The following ZNF185 variants were observed in gnomAD, a reference collection of about 807,000 sequenced individuals.
The protein encoded by ZNF185 is zinc finger protein 185 with LIM domain, also known as zinc finger protein 185.
In ZNF185, 56 loss-of-function variants were observed where a neutral mutation model predicts 58.6. That is an observed-to-expected ratio of 0.95 (90% confidence interval 0.77 to 1.19). ZNF185 has a LOEUF of 1.19. ZNF185 is among the 50% of genes most tolerant of loss of function. The probability of loss-of-function intolerance (pLI) is 0.00; values close to 1 mark genes in which losing one functional copy is unlikely to be tolerated. For synonymous variants in ZNF185, 230 were observed against 215.9 expected (o/e 1.07, Z -0.57); for missense variants, 627 against 573.5 (o/e 1.09, Z -0.95).
At chrX:152,899,690 C>G in the ZNF185 span, among the ~76,000 whole-genome samples, 1 of 112,082 alleles carries the variant, frequency 8.9e-6, no homozygotes, top group Non-Finnish European at 1.9e-5. Context: ...GTTGCAGCTC[C>G]GAGTAGCATG....
At chrX:152,920,525 T>G in intron 8 of ZNF185, 114 bp downstream of exon 9, 1 of 934,635 alleles carries the variant, frequency 1.1e-6, no homozygotes, top group Non-Finnish European at 1.5e-6. Flanking sequence ...AGGGCCTTCC[T>G]AGCTGAGCCT....
At chrX:152,956,102 GAC>G (rs782365061) in intron 16 of ZNF185, among the ~76,000 whole-genome samples, 2 of 111,274 alleles carry the variant, frequency 1.8e-5, no homozygotes, top group Non-Finnish European at 3.8e-5. Flanking sequence ...GTTGAAGAGA[GAC>G]CATTTGACAT....
chrX:152,965,451 G>A, exon 19 of ZNF185: 1 of 1,179,870 alleles, frequency 8.5e-7, no homozygotes, highest in South Asian at 1.9e-5. Context: ...CTACAGCAAA[G>A]GGATTCTCTT....
At chrX:152,919,080 A>C in exon 7 of ZNF185, 1 of 1,200,996 alleles carries the variant, frequency 8.3e-7, no homozygotes, top group Middle Eastern at 2.3e-4. Context: ...ACAGAAACGG[A>C]GGTAATGGAA....
At chrX:152,928,628 T>C in exon 12 of ZNF185, 2 of 1,211,679 alleles carry the variant, frequency 1.7e-6, no homozygotes, top group Non-Finnish European at 2.2e-6. Context: ...AGGGCAGGAC[T>C]CCGCCTGGTG....
At chrX:152,898,576 T>G in the ZNF185 span, among the ~76,000 whole-genome samples, 1 of 112,279 alleles carries the variant, frequency 8.9e-6, no homozygotes, top group Non-Finnish European at 1.9e-5. Context: ...ACTGCAGGCC[T>G]TTAAGAATCA....
At position 152,964,063 on chromosome X, in the gene ZNF185, C is replaced by T. The variant is rs186278059; in HGVS notation, c.1718+114C>T. Reference sequence around the variant, plus strand: ...TCCCATTTAGTGCCTTCCCCAGTTTCTAGCAGGCCATTAGCCAAGGGGCCA... The same window carrying T: ...TCCCATTTAGTGCCTTCCCCAGTTTTTAGCAGGCCATTAGCCAAGGGGCCA... On this transcript the variant is annotated intron_variant, in intron 18 of 22. Coordinates refer to ENST00000449285, the Ensembl canonical transcript of ZNF185. 6.8e-4 allele frequency: 472 copies of T among 692,786 alleles called. 3 individuals carry two copies. The African/African-American group carries it at 8.8e-3, about 13-fold the overall frequency. 57.1% of individuals were successfully genotyped at this position (692,786 alleles called of 1,213,427 possible).
At chrX:152,945,073 C>T (rs914304553) in intron 15 of ZNF185, among the ~76,000 whole-genome samples, 194 bp from the exon 18 acceptor site, 3 of 112,590 alleles carry the variant, frequency 2.7e-5, no homozygotes, top group South Asian at 3.6e-4. Flanking sequence ...AAGGGAGCAG[C>T]GATGCTGGGC....
At chrX:152,953,877 AT>A (rs2125846859) in intron 16 of ZNF185, among the ~76,000 whole-genome samples, 1 of 111,630 alleles carries the variant, frequency 9.0e-6, no homozygotes, top group South Asian at 3.8e-4. Context: ...AGTAGCTGGA[AT>A]TACAGGCGTG....
chrX:152,901,439 A>ATT, the ZNF185 span, among the ~76,000 whole-genome samples: 327 of 100,487 alleles, frequency 3.3e-3, 2 homozygotes, highest in African/African-American at 0.011. Flanking sequence ...TTTATCTTTA[A>ATT]TTTTTTTTTT....
chrX:152,965,067 G>C (rs932507346), intron 18 of ZNF185, among the ~76,000 whole-genome samples: 7 of 111,731 alleles, frequency 6.3e-5, no homozygotes, highest in African/African-American at 2.3e-4. Context: ...GGATATCTTG[G>C]TTGTGGGTAG....
intron 12 of ZNF185, among the ~76,000 whole-genome samples, 169 bp downstream of exon 13, chrX:152,928,830 A>G (rs1265227125): frequency 8.9e-6 from 1 of 112,593 alleles, no homozygotes; most frequent in East Asian, 2.8e-4. Flanking sequence ...TCATTCTTTC[A>G]CTCAGAAAAC....
exon 17 of ZNF185, chrX:152,959,831 C>T (rs1569515356): frequency 8.3e-7 from 1 of 1,211,743 alleles, no homozygotes; most frequent in African/African-American, 1.7e-5. Flanking sequence ...ATCCCAGTAC[C>T]CCAGAACAGC....
At chrX:152,908,270 G>A in the ZNF185 span, among the ~76,000 whole-genome samples, 1 of 112,728 alleles carries the variant, frequency 8.9e-6, no homozygotes, top group South Asian at 3.7e-4. Flanking sequence ...AGAGGAAGAG[G>A]AAGACTGGAA....
In ZNF185 at chrX:152,917,824, G is replaced by A. The variant is rs1938820758; in HGVS notation, c.342-241G>A. The stretch of plus-strand genomic sequence containing the variant: ...CAGACTGGAAAGGCCAAGGGGACCC[G>A]GAAACAGGAAGCAAAGACACAGGCA... On this transcript the variant is annotated intron_variant, in intron 5 of 22. Coordinates refer to ENST00000449285, the Ensembl canonical transcript of ZNF185. 3.8e-6 allele frequency: 4 copies of A among 1,065,831 alleles called. 1 individual carries two copies. Among genetic ancestry groups the A allele is most frequent in the South Asian group, 5.0e-5 (2 of 39,884 alleles). 87.8% of individuals were successfully genotyped at this position (1,065,831 alleles called of 1,213,427 possible). A position where few individuals can be genotyped will look rare whatever the true frequency, so the allele number is the denominator to read the frequency against.
In ZNF185 at chrX:152,922,602, CAGTAG is replaced by C. The variant is rs782717825; in HGVS notation, c.741-117_741-113del. On this transcript the variant is annotated intron_variant, in intron 10 of 22. Transcript: ENST00000449285. ...GGTTTGAGAGGGCCAGCCACCATGG[CAGTAG>C]CATGCCATTGTCAGACTTGCTCCTT... 5 of 687,960 alleles carry C rather than the reference CAGTAG, an allele frequency of 7.3e-6. No homozygotes were observed. In the African/African-American group the frequency reaches 1.1e-4, roughly 15 times the overall value. The allele number at this position is 687,960 out of a possible 1,213,427, so 56.7% of individuals were successfully genotyped here.
chrX:152,965,347 C>A, intron 18 of ZNF185, 100 bp from the exon 21 acceptor site: 1 of 730,211 alleles, frequency 1.4e-6, no homozygotes, highest in Non-Finnish European at 2.0e-6. Flanking sequence ...TCCTTCAAAC[C>A]AGGCTGGGTC....
At chrX:152,924,150 C>T (rs183781340) in intron 11 of ZNF185, among the ~76,000 whole-genome samples, 1 of 111,456 alleles carries the variant, frequency 9.0e-6, no homozygotes, top group Non-Finnish European at 1.9e-5. Flanking sequence ...AGTCTCACTC[C>T]GTCGCCCAGG....
At chrX:152,921,925 G>T (rs997979524) in intron 9 of ZNF185, among the ~76,000 whole-genome samples, 5 of 111,724 alleles carry the variant, frequency 4.5e-5, no homozygotes, top group Admixed American at 1.9e-4. Flanking sequence ...CATCTGCAAA[G>T]ACCCTATTTC....
Sources: allele counts gnomAD v4.1 joint callset (sites outside exome capture counted in the v4.1 genomes callset), GRCh38; gene constraint gnomAD v4.1.1; transcripts MANE v1.5; gene names NCBI Gene and HGNC (gene_info 2026-07-23, HGNC 2026-07-21).